SORCS3: variants seen among roughly 807,000 people sequenced by gnomAD.
The protein encoded by SORCS3 is sortilin related VPS10 domain containing receptor 3.
In SORCS3, 57 loss-of-function variants were observed where a neutral mutation model predicts 146.3. That is an observed-to-expected ratio of 0.39 (90% CI 0.31 to 0.49). The LOEUF (loss-of-function observed/expected upper bound fraction) is 0.49. Among genes scored for constraint, SORCS3 ranks in the 20% least tolerant of loss-of-function variants. The probability of loss-of-function intolerance (pLI) is 0.92; values close to 1 mark genes in which losing one functional copy is unlikely to be tolerated. For synonymous variants in SORCS3, 653 were observed against 618.5 expected (o/e 1.06, Z -0.83); for missense variants, 1,341 against 1,575.5 (o/e 0.85, Z 2.52).
At chr10:105,041,224 C>G (rs1303110207) in intron 4 of SORCS3, among the ~76,000 whole-genome samples, 1 of 148,936 alleles carries the variant, frequency 6.7e-6, no homozygotes, top group Non-Finnish European at 1.5e-5. Context: ...AGCAGAATCT[C>G]TTTCTTGCAA....
At chr10:104,672,473 T>C (rs943615508) in intron 1 of SORCS3, among the ~76,000 whole-genome samples, 3 of 152,110 alleles carry the variant, frequency 2.0e-5, no homozygotes, top group African/African-American at 7.2e-5. Flanking sequence ...ATCGCTGTTC[T>C]GACCTTTATT....
intron 1 of SORCS3, among the ~76,000 whole-genome samples, chr10:104,776,207 C>A (rs948961321): frequency 2.0e-5 from 3 of 152,138 alleles, no homozygotes; most frequent in African/African-American, 4.8e-5. Flanking sequence ...AAGATATCTA[C>A]AGAAAGAGTT....
At chr10:104,984,821 C>T (rs149259191) in intron 4 of SORCS3, among the ~76,000 whole-genome samples, 3 of 152,196 alleles carry the variant, frequency 2.0e-5, no homozygotes, top group African/African-American at 4.8e-5. Context: ...TATTTTTATG[C>T]TATACTGTAG....
intron 3 of SORCS3, among the ~76,000 whole-genome samples, chr10:104,970,500 C>G (rs1348891103): frequency 6.6e-6 from 1 of 152,172 alleles, no homozygotes; most frequent in Non-Finnish European, 1.5e-5. Flanking sequence ...GATGCTTCCT[C>G]AGGTTTTCTC....
intron 7 of SORCS3, among the ~76,000 whole-genome samples, chr10:105,111,846 G>A (rs959543399): frequency 6.6e-6 from 1 of 152,192 alleles, no homozygotes; most frequent in African/African-American, 2.4e-5. Context: ...CTATGAGTAC[G>A]AATTAAGTAG....
chr10:105,030,713 C>T (rs1386792353), intron 4 of SORCS3, among the ~76,000 whole-genome samples: 1 of 152,044 alleles, frequency 6.6e-6, no homozygotes, highest in Non-Finnish European at 1.5e-5. Flanking sequence ...CTGCCTTAGC[C>T]TCCCACGTAG....
At chr10:105,119,960 G>A (rs955652681) in intron 7 of SORCS3, among the ~76,000 whole-genome samples, 1 of 152,152 alleles carries the variant, frequency 6.6e-6, no homozygotes, top group African/African-American at 2.4e-5. Flanking sequence ...ATTGTGTTTT[G>A]AAATGTGAGG....
chr10:104,998,698 G>A (rs1164740546), intron 4 of SORCS3, among the ~76,000 whole-genome samples: 1 of 152,072 alleles, frequency 6.6e-6, no homozygotes, highest in African/African-American at 2.4e-5. Flanking sequence ...GAACTAGAAA[G>A]GCCAGAGGTC....
At chr10:104,686,396 T>TA in intron 1 of SORCS3, among the ~76,000 whole-genome samples, 1 of 152,136 alleles carries the variant, frequency 6.6e-6, no homozygotes, top group Non-Finnish European at 1.5e-5. Flanking sequence ...GCTGCAGGCT[T>TA]AGACTGGAGT....
chr10:105,056,235 C>T (rs1195686267), intron 5 of SORCS3, among the ~76,000 whole-genome samples: 2 of 152,166 alleles, frequency 1.3e-5, no homozygotes, highest in Non-Finnish European at 2.9e-5. Flanking sequence ...CGTTTCTCAA[C>T]CTCTATGTTT....
chr10:104,968,198 C>T (rs7904532), intron 3 of SORCS3, among the ~76,000 whole-genome samples: 30,716 of 152,096 alleles, frequency 0.2, 3,983 homozygotes, highest in African/African-American at 0.36. Flanking sequence ...TCACTGCAAC[C>T]TCTGCCTCCC....
intron 1 of SORCS3, among the ~76,000 whole-genome samples, chr10:104,815,176 A>G (rs1363743745): frequency 6.6e-6 from 1 of 152,198 alleles, no homozygotes; most frequent in African/African-American, 2.4e-5. Context: ...TGTGAAAGTC[A>G]GGGCCAGGTG....
chr10:105,255,051 G>T (rs1384105316), intron 23 of SORCS3, among the ~76,000 whole-genome samples: 8 of 151,860 alleles, frequency 5.3e-5, no homozygotes, highest in Admixed American at 5.2e-4. Flanking sequence ...AGCCGGGCGA[G>T]GAGGCGTGCG....
At chr10:104,824,007 G>T (rs1023747309) in intron 1 of SORCS3, among the ~76,000 whole-genome samples, 1 of 152,108 alleles carries the variant, frequency 6.6e-6, no homozygotes, top group Non-Finnish European at 1.5e-5. Flanking sequence ...CAAGGAATGG[G>T]GGAAAAGAAA....
At chr10:105,225,843 A>G (rs1490565885) in intron 20 of SORCS3, among the ~76,000 whole-genome samples, 1 of 152,044 alleles carries the variant, frequency 6.6e-6, no homozygotes, top group Non-Finnish European at 1.5e-5. Context: ...GTGCTAAAGT[A>G]CATGGTATTG....
rs116930097 is a variant in SORCS3, at chr10:105,252,321, A to T, written c.3106-454A>T. On this transcript the variant is annotated intron_variant, in intron 22 of 26. Transcript: ENST00000369701. The stretch of plus-strand genomic sequence containing the variant: ...CTTACCAATATTAGCTATTGCACTT[A>T]AAAAAAATCCTGCTTTAATAAGTGA... Among the ~76,000 whole-genome samples the T allele has an allele frequency of 4.3e-3, 659 of 152,226 alleles. 3 individuals carry two copies. The highest frequency in any genetic ancestry group is 7.3e-3 in the Non-Finnish European group (495 of 68,010).
chr10:105,148,255 T>A (rs988063797), intron 9 of SORCS3, among the ~76,000 whole-genome samples: 1 of 152,028 alleles, frequency 6.6e-6, no homozygotes, highest in Non-Finnish European at 1.5e-5. Context: ...ATATCAGTGG[T>A]GGGAATGAGA....
intron 5 of SORCS3, among the ~76,000 whole-genome samples, chr10:105,064,872 A>G (rs2055512393): frequency 6.6e-6 from 1 of 152,168 alleles, no homozygotes. Flanking sequence ...TCTCCTTTGG[A>G]AACACCCTCA....
At chr10:105,138,932 G>A (rs1338244831) in intron 7 of SORCS3, among the ~76,000 whole-genome samples, 1 of 152,242 alleles carries the variant, frequency 6.6e-6, no homozygotes, top group Non-Finnish European at 1.5e-5. Context: ...TCAGAAGTGA[G>A]ATTACATTTC....
Sources: gnomAD v4.1 joint callset for allele counts (sites outside exome capture counted in the v4.1 genomes callset) on GRCh38, gnomAD v4.1.1 for gene constraint, MANE v1.5 for transcripts, NCBI Gene and HGNC (gene_info 2026-07-23, HGNC 2026-07-21) for gene names.